Variants in RNF13 observed in about 807,000 individuals in gnomAD.
RNF13 encodes ring finger protein 13, also known as E3 ubiquitin-protein ligase RNF13.
RNF13 carries 19 observed loss-of-function variants against 37.7 expected under a neutral mutation model. The ratio of observed to expected loss-of-function variants is 0.50; its 90% CI spans 0.35 to 0.74. The LOEUF is 0.74. RNF13 is among the 30% of genes least tolerant of loss of function. RNF13 has a pLI of 0.01. For synonymous variants in RNF13, 144 were observed against 157.8 expected, an observed-to-expected ratio of 0.91 and a Z score of 0.65; for missense variants, 375 against 453.0, an observed-to-expected ratio of 0.83 and a Z score of 1.56.
At chr3:149,947,665 G>T (rs1257383113) in intron 8 of RNF13, among the ~76,000 whole-genome samples, 16 of 152,118 alleles carry the variant, frequency 1.1e-4, no homozygotes, top group Admixed American at 1.0e-3. Context: ...CTCCCAAAGT[G>T]CTGGAATTAC....
intron 8 of RNF13, among the ~76,000 whole-genome samples, chr3:149,932,513 A>G (rs774682364): frequency 1.1e-4 from 16 of 152,226 alleles, no homozygotes; most frequent in Non-Finnish European, 2.1e-4. Context: ...AACTTCCAAG[A>G]TACAACAGTG....
intron 4 of RNF13, among the ~76,000 whole-genome samples, chr3:149,877,089 T>G (rs1352456214): frequency 6.6e-6 from 1 of 152,178 alleles, no homozygotes; most frequent in Non-Finnish European, 1.5e-5. Context: ...CCGTATCTTT[T>G]ATATACTATT....
chr3:149,864,231 T>A (rs1246496039), intron 3 of RNF13, among the ~76,000 whole-genome samples: 2 of 151,930 alleles, frequency 1.3e-5, no homozygotes, highest in Non-Finnish European at 2.9e-5. Flanking sequence ...CACTCTTAGT[T>A]CCTGTACGAG....
intron 1 of RNF13, among the ~76,000 whole-genome samples, chr3:149,827,087 C>T (rs1361114960): frequency 6.6e-6 from 1 of 152,114 alleles, no homozygotes; most frequent in Non-Finnish European, 1.5e-5. Context: ...TATTAACGTA[C>T]AGTTGGCCCT....
chr3:149,828,756 C>T (rs73870438), intron 1 of RNF13, among the ~76,000 whole-genome samples: 4,030 of 152,058 alleles, frequency 0.027, 68 homozygotes, highest in South Asian at 0.037. Flanking sequence ...TGACTTGGTA[C>T]GCCACTTACC....
At chr3:149,864,289 G>A (rs1313868603) in intron 3 of RNF13, among the ~76,000 whole-genome samples, 1 of 151,880 alleles carries the variant, frequency 6.6e-6, no homozygotes, top group Non-Finnish European at 1.5e-5. Context: ...TTCATCATGT[G>A]ATCTCTTCTC....
rs1479108224 is a variant in RNF13, at chr3:149,961,530, AT to A, written c.*429del. The A allele has an allele frequency of 3.0e-6, 1 of 328,408 alleles. No homozygotes were observed. The highest frequency in any genetic ancestry group is 2.2e-5 in the African/African-American group (1 of 45,284). The allele number at this position is 328,408 out of a possible 1,614,324, so 20.3% of individuals were successfully genotyped here. A position where few individuals can be genotyped will look rare whatever the true frequency, so the allele number is the denominator to read the frequency against. On this transcript the variant is annotated 3_prime_UTR_variant, in exon 10 of 10. Coordinates refer to ENST00000392894, the MANE Select transcript of RNF13 (RefSeq NM_183381.3). ...TTGTTGAGTTGGAATATGTTCTGGC[AT>A]TTACCTGACCTGCCAATCATTAGGG... is the stretch of plus-strand genomic sequence containing the variant.
intron 3 of RNF13, among the ~76,000 whole-genome samples, chr3:149,870,717 A>G (rs887412849): frequency 6.6e-6 from 1 of 151,928 alleles, no homozygotes; most frequent in Admixed American, 6.6e-5. Context: ...CGAGTGCTTT[A>G]TGGGATTAAG....
intron 7 of RNF13, among the ~76,000 whole-genome samples, chr3:149,914,549 G>A (rs1226981952): frequency 2.0e-5 from 3 of 152,052 alleles, no homozygotes; most frequent in Non-Finnish European, 4.4e-5. Context: ...AGGAGTACAA[G>A]TAAATAACCT....
intron 1 of RNF13, among the ~76,000 whole-genome samples, chr3:149,815,895 A>C (rs942701528): frequency 6.6e-6 from 1 of 151,822 alleles, no homozygotes; most frequent in African/African-American, 2.4e-5. Context: ...GGTAGATAGT[A>C]AGTTGTTTCC....
intron 8 of RNF13, among the ~76,000 whole-genome samples, chr3:149,924,613 G>A (rs563670442): frequency 6.6e-6 from 1 of 152,304 alleles, no homozygotes; most frequent in Non-Finnish European, 1.5e-5. Context: ...GCTCAGTATT[G>A]ACCACTAGAG....
chr3:149,939,253 G>T (rs1269267130), intron 8 of RNF13: 7 of 482,156 alleles, frequency 1.5e-5, no homozygotes, highest in Admixed American at 1.2e-4. Context: ...TTCCTCACTG[G>T]TGCTTTTTAT....
At chr3:149,913,016 CTCT>C (rs1240148223) in intron 7 of RNF13, among the ~76,000 whole-genome samples, 1 of 152,138 alleles carries the variant, frequency 6.6e-6, no homozygotes. Context: ...AACAGTCCCA[CTCT>C]TCTTGCCAAC....
chr3:149,883,350 T>C (rs1713635426), intron 4 of RNF13, among the ~76,000 whole-genome samples: 1 of 152,128 alleles, frequency 6.6e-6, no homozygotes, highest in Non-Finnish European at 1.5e-5. Flanking sequence ...TCTATAATCT[T>C]TTAAGCCCAC....
intron 4 of RNF13, among the ~76,000 whole-genome samples, chr3:149,894,328 C>A (rs1285357428): frequency 6.6e-6 from 1 of 152,082 alleles, no homozygotes; most frequent in Non-Finnish European, 1.5e-5. Flanking sequence ...AATATGTAGA[C>A]CTCATTTCTC....
intron 4 of RNF13, among the ~76,000 whole-genome samples, chr3:149,887,544 A>G (rs1372442460): frequency 6.6e-6 from 1 of 152,026 alleles, no homozygotes; most frequent in Non-Finnish European, 1.5e-5. Flanking sequence ...AAACAATCCT[A>G]CTGTCTCAGC....
intron 4 of RNF13, among the ~76,000 whole-genome samples, chr3:149,890,911 A>C (rs1377113981): frequency 1.3e-5 from 2 of 152,154 alleles, no homozygotes; most frequent in Non-Finnish European, 2.9e-5. Context: ...AGTTTCTATC[A>C]GCTCTTCACA....
chr3:149,929,233 G>T (rs1214405426), intron 8 of RNF13, among the ~76,000 whole-genome samples: 1 of 152,184 alleles, frequency 6.6e-6, no homozygotes, highest in Non-Finnish European at 1.5e-5. Context: ...ATGGTGGAAG[G>T]CAAAGGAGAA....
chr3:149,951,149 C>G (rs1332896840), intron 8 of RNF13, among the ~76,000 whole-genome samples: 2 of 152,164 alleles, frequency 1.3e-5, no homozygotes, highest in Non-Finnish European at 2.9e-5. Flanking sequence ...CTTGTCCACA[C>G]TGAGTCTCTG....
Sources: gnomAD v4.1 joint callset for allele counts (sites outside exome capture counted in the v4.1 genomes callset) on GRCh38, gnomAD v4.1.1 for gene constraint, MANE v1.5 for transcripts, NCBI Gene and HGNC (gene_info 2026-07-23, HGNC 2026-07-21) for gene names.